The following ZMAT4 variants were observed in gnomAD, a reference collection of about 807,000 sequenced individuals.
ZMAT4 encodes zinc finger matrin-type protein 4.
In ZMAT4, 17 loss-of-function variants were observed where a neutral mutation model predicts 28.7. The observed-to-expected ratio is 0.59, with a 90% CI of 0.41 to 0.89. The LOEUF is 0.89. ZMAT4 is among the 40% of genes least tolerant of loss of function. The pLI, the probability that ZMAT4 is intolerant of heterozygous loss-of-function variation, is 0.00. For missense variants in ZMAT4, 240 were observed against 283.8 expected, an observed-to-expected ratio of 0.85 and a Z score of 1.11; for synonymous variants, 117 against 109.2, an observed-to-expected ratio of 1.07 and a Z score of -0.44.
At chr8:40,745,154 G>A (rs1021555472) in intron 3 of ZMAT4, among the ~76,000 whole-genome samples, 15 of 152,154 alleles carry the variant, frequency 9.9e-5, no homozygotes, top group Non-Finnish European at 1.3e-4. Flanking sequence ...TGAGCTAGCA[G>A]GTCAAATATA....
chr8:40,673,140 G>T (rs892750274), intron 5 of ZMAT4, among the ~76,000 whole-genome samples: 1 of 152,126 alleles, frequency 6.6e-6, no homozygotes, highest in Non-Finnish European at 1.5e-5. Context: ...TCTCTAGCTT[G>T]TTTCCTGACC....
chr8:40,800,359 G>C (rs1045516309), intron 2 of ZMAT4, among the ~76,000 whole-genome samples: 2 of 129,834 alleles, frequency 1.5e-5, no homozygotes, highest in Non-Finnish European at 3.4e-5. Context: ...TAATAAGAAA[G>C]AACATAAACA....
intron 2 of ZMAT4, among the ~76,000 whole-genome samples, chr8:40,821,292 T>C (rs1322979422): frequency 6.6e-6 from 1 of 152,164 alleles, no homozygotes; most frequent in African/African-American, 2.4e-5. Context: ...TTTACCCCCG[T>C]AACGCTTAGG....
chr8:40,542,203 G>T (rs1381996560), intron 6 of ZMAT4, among the ~76,000 whole-genome samples: 1 of 152,114 alleles, frequency 6.6e-6, no homozygotes, highest in Non-Finnish European at 1.5e-5. Flanking sequence ...AGCCCTGCTT[G>T]CAGAAGGAAC....
At chr8:40,688,200 G>A (rs899959133) in intron 4 of ZMAT4, among the ~76,000 whole-genome samples, 4 of 152,148 alleles carry the variant, frequency 2.6e-5, no homozygotes, top group African/African-American at 9.7e-5. Flanking sequence ...GCTCATGCCT[G>A]TAATCCCAGC....
intron 3 of ZMAT4, among the ~76,000 whole-genome samples, chr8:40,766,693 A>G (rs1425541150): frequency 6.6e-6 from 1 of 152,228 alleles, no homozygotes; most frequent in Non-Finnish European, 1.5e-5. Flanking sequence ...TGTTAAAAAC[A>G]CCAGCCTTGA....
chr8:40,723,846 T>C (rs1811209472), intron 3 of ZMAT4, among the ~76,000 whole-genome samples: 2 of 152,114 alleles, frequency 1.3e-5, no homozygotes, highest in African/African-American at 2.4e-5. Flanking sequence ...GGGGACTGTG[T>C]CCCCTGCCCC....
rs139248054 is a variant in ZMAT4, at chr8:40,822,004, G to T, written c.102+3571C>A. 2.6e-5 allele frequency among the ~76,000 whole-genome samples: 4 copies of T among 152,310 alleles called. No individual in the cohort carries two copies. The East Asian group carries it at 7.7e-4, about 29-fold the overall frequency. ...CTTGGCCATAATAGCTCTAAATGATGCTTCCCTCTTTTAAAGTGTAATATG... is the reference window on the plus strand; with the variant it reads ...CTTGGCCATAATAGCTCTAAATGATTCTTCCCTCTTTTAAAGTGTAATATG... On this transcript the variant is annotated intron_variant, in intron 2 of 6. Coordinates refer to ENST00000297737, the MANE Select transcript of ZMAT4 (RefSeq NM_024645.3).
chr8:40,560,396 T>C (rs1001349214), intron 6 of ZMAT4, among the ~76,000 whole-genome samples: 1 of 152,060 alleles, frequency 6.6e-6, no homozygotes, highest in African/African-American at 2.4e-5. Flanking sequence ...TGCTTTTTCT[T>C]GGAAAACAAA....
chr8:40,878,545 G>C (rs960022107), intron 1 of ZMAT4, among the ~76,000 whole-genome samples: 1 of 152,126 alleles, frequency 6.6e-6, no homozygotes, highest in Non-Finnish European at 1.5e-5. Flanking sequence ...ACAGGCCAAG[G>C]CCTCTATTTT....
intron 1 of ZMAT4, among the ~76,000 whole-genome samples, chr8:40,866,988 C>G (rs550797344): frequency 7.2e-4 from 110 of 152,328 alleles, no homozygotes; most frequent in African/African-American, 2.5e-3. Context: ...GATGCTCTAA[C>G]TAAGTCATCC....
chr8:40,689,210 C>T (rs1250325626), intron 4 of ZMAT4, among the ~76,000 whole-genome samples: 1 of 152,162 alleles, frequency 6.6e-6, no homozygotes, highest in East Asian at 1.9e-4. Flanking sequence ...GCTGGACCTC[C>T]AGCTTGTGGA....
chr8:40,799,900 T>C (rs893080972), intron 2 of ZMAT4, among the ~76,000 whole-genome samples: 1 of 152,172 alleles, frequency 6.6e-6, no homozygotes, highest in African/African-American at 2.4e-5. Context: ...TATTATGAAC[T>C]GTAGTCCAGG....
At chr8:40,748,046 A>G (rs1216420603) in intron 3 of ZMAT4, among the ~76,000 whole-genome samples, 2 of 152,212 alleles carry the variant, frequency 1.3e-5, no homozygotes, top group Non-Finnish European at 2.9e-5. Context: ...TATGGAGGAT[A>G]ATATTTGCTG....
chr8:40,751,671 T>C (rs917785033), intron 3 of ZMAT4, among the ~76,000 whole-genome samples: 4 of 151,554 alleles, frequency 2.6e-5, no homozygotes, highest in African/African-American at 9.7e-5. Context: ...TGAAATAAGG[T>C]CAAGCTTAGG....
intron 2 of ZMAT4, among the ~76,000 whole-genome samples, chr8:40,778,081 A>G (rs1056047371): frequency 3.3e-5 from 5 of 152,208 alleles, no homozygotes; most frequent in Non-Finnish European, 5.9e-5. Context: ...AGTAAACACA[A>G]CTTAAACAAA....
At chr8:40,703,786 A>C (rs1810243534) in intron 3 of ZMAT4, among the ~76,000 whole-genome samples, 1 of 152,236 alleles carries the variant, frequency 6.6e-6, no homozygotes, top group African/African-American at 2.4e-5. Context: ...AGTCTAAAAG[A>C]TTCATTTAAA....
At chr8:40,843,968 T>A (rs536977215) in intron 1 of ZMAT4, among the ~76,000 whole-genome samples, 11 of 152,226 alleles carry the variant, frequency 7.2e-5, no homozygotes, top group African/African-American at 2.6e-4. Flanking sequence ...ATGTACACAG[T>A]GCACCTAGAA....
intron 6 of ZMAT4, among the ~76,000 whole-genome samples, chr8:40,573,349 G>T (rs73622423): frequency 0.09 from 13,699 of 152,174 alleles, 961 homozygotes; most frequent in African/African-American, 0.2. Context: ...CTCTCCAAAG[G>T]CTCTAGGAGT....
Sources: allele counts gnomAD v4.1 joint callset (sites outside exome capture counted in the v4.1 genomes callset), GRCh38; gene constraint gnomAD v4.1.1; transcripts MANE v1.5; gene names NCBI Gene and HGNC (gene_info 2026-07-23, HGNC 2026-07-21).